The following MCM9 variants were observed in gnomAD, a reference collection of about 807,000 sequenced individuals.
MCM9 encodes DNA helicase MCM9.
Under a neutral mutation model 72.8 loss-of-function variants are expected in MCM9, and 55 were observed. The ratio of observed to expected loss-of-function variants is 0.76; its 90% CI spans 0.61 to 0.95. The LOEUF is 0.95. Ranked by LOEUF, MCM9 falls within the 40% of genes least tolerant of loss-of-function variation. MCM9 has a pLI of 0.00. For synonymous variants in MCM9, 480 were observed against 503.4 expected (o/e 0.95, Z 0.62); for missense variants, 1,279 against 1,377.0 (o/e 0.93, Z 1.13).
chr6:118,930,259 C>T (rs921262768), intron 3 of MCM9, among the ~76,000 whole-genome samples: 51 of 152,124 alleles, frequency 3.4e-4, no homozygotes, highest in African/African-American at 7.5e-4. Flanking sequence ...TACAGGCGCC[C>T]GCCACCATGC....
rs766122361 is a variant in MCM9, at chr6:118,843,688, G to GTATA, written c.1325+12679_1325+12682dup. ...TATATATGTATGTATATATATATGT[G>GTATA]TATATATATATATATGTATGTATAT... is the stretch of plus-strand genomic sequence containing the variant. On this transcript the variant is annotated intron_variant, in intron 9 of 13. Coordinates refer to ENST00000619706, the MANE Select transcript of MCM9 (RefSeq NM_017696.3). Among the ~76,000 whole-genome samples the GTATA allele has an allele frequency of 7.6e-4, 49 of 64,140 alleles. 1 individual carries two copies. Among genetic ancestry groups the GTATA allele is most frequent in the African/African-American group, 2.1e-3 (31 of 15,094 alleles). The allele number at this position is 64,140 out of a possible 152,430, so 42.1% of individuals were successfully genotyped here.
At chr6:118,875,923 C>T (rs182543788) in intron 8 of MCM9, among the ~76,000 whole-genome samples, 76 of 152,298 alleles carry the variant, frequency 5.0e-4, no homozygotes, top group African/African-American at 1.8e-3. Context: ...ACATAAAAAC[C>T]TGCTCACAGG....
At chr6:118,916,059 A>C (rs1780917516) in intron 6 of MCM9, among the ~76,000 whole-genome samples, 1 of 152,140 alleles carries the variant, frequency 6.6e-6, no homozygotes, top group Non-Finnish European at 1.5e-5. Context: ...TAGAATCCTA[A>C]GAAACCATTT....
At chr6:118,823,227 C>G (rs373305976) in intron 13 of MCM9, among the ~76,000 whole-genome samples, 1 of 152,140 alleles carries the variant, frequency 6.6e-6, no homozygotes, top group Non-Finnish European at 1.5e-5. Flanking sequence ...AACCCAGGGC[C>G]CTGGTGGTGT....
At chr6:118,846,347 A>G (rs1392160426) in intron 9 of MCM9, among the ~76,000 whole-genome samples, 1 of 151,928 alleles carries the variant, frequency 6.6e-6, no homozygotes, top group African/African-American at 2.4e-5. Flanking sequence ...AGCTAACTCT[A>G]GAGCCCTTAC....
intron 9 of MCM9, among the ~76,000 whole-genome samples, chr6:118,831,243 T>G (rs749725252): frequency 5.3e-5 from 8 of 151,116 alleles, no homozygotes; most frequent in Non-Finnish European, 1.0e-4. Context: ...TTCCAGCTGC[T>G]TGGGAGGCTG....
At chr6:118,907,425 T>C in intron 8 of MCM9, 1 of 1,605,806 alleles carries the variant, frequency 6.2e-7, no homozygotes, top group Non-Finnish European at 8.5e-7. Context: ...TTTTGGCATC[T>C]AATCCCAGGG....
chr6:118,825,693 A>C (rs1477067601), intron 13 of MCM9, among the ~76,000 whole-genome samples: 6 of 152,142 alleles, frequency 3.9e-5, no homozygotes, highest in Non-Finnish European at 7.4e-5. Flanking sequence ...GTTTGGGCAA[A>C]ATTTTTTTGG....
At chr6:118,870,252 C>A (rs1311621189) in intron 8 of MCM9, among the ~76,000 whole-genome samples, 2 of 152,142 alleles carry the variant, frequency 1.3e-5, no homozygotes, top group African/African-American at 2.4e-5. Flanking sequence ...ACATGTTAGA[C>A]CACAAAACAA....
chr6:118,833,077 A>T (rs529852711), intron 9 of MCM9, among the ~76,000 whole-genome samples: 57 of 152,314 alleles, frequency 3.7e-4, no homozygotes, highest in African/African-American at 1.3e-3. Flanking sequence ...TGGAGTACAG[A>T]AGAGGATAAA....
chr6:118,857,825 C>T (rs1163928449), intron 8 of MCM9, among the ~76,000 whole-genome samples: 2 of 151,988 alleles, frequency 1.3e-5, no homozygotes, highest in Non-Finnish European at 2.9e-5. Context: ...GAACAGATAA[C>T]TTCCATAATC....
intron 3 of MCM9, among the ~76,000 whole-genome samples, chr6:118,926,428 A>G (rs1041125546): frequency 6.6e-6 from 1 of 152,230 alleles, no homozygotes; most frequent in Non-Finnish European, 1.5e-5. Flanking sequence ...AGTGACAAAC[A>G]GAATAATTTA....
chr6:118,814,942 T>C lies in MCM9; in HGVS notation c.3314A>G (p.Gln1105Arg). ...PMRVSKRKSFQLRGSTEKLIV... is the reference protein window; with the variant it reads ...PMRVSKRKSFRLRGSTEKLIV... ...CAGTTTCTCGGTGGACCCACGGAGCTGAAAAGATTTCCTTTTACTGACACG... is the reference window on the plus strand; with the variant it reads ...CAGTTTCTCGGTGGACCCACGGAGCCGAAAAGATTTCCTTTTACTGACACG... The change falls in exon 14 of 14, where the codon CAG becomes CGG. Residue 1105 changes from glutamine to arginine, a missense_variant. Transcript: ENST00000619706. 1 of 1,550,132 alleles carries C rather than the reference T, an allele frequency of 6.5e-7. No homozygotes were observed. Among genetic ancestry groups the C allele is most frequent in the South Asian group, 1.2e-5 (1 of 84,006 alleles).
intron 10 of MCM9, among the ~76,000 whole-genome samples, chr6:118,828,527 AG>A: frequency 6.6e-6 from 1 of 152,234 alleles, no homozygotes; most frequent in East Asian, 1.9e-4. Flanking sequence ...CTGGGATTAC[AG>A]GTGTGCACCA....
chr6:118,934,856 C>CA (rs1214485482), intron 1 of MCM9, 35 bp downstream of exon 1: 1 of 152,320 alleles, frequency 6.6e-6, no homozygotes, highest in Non-Finnish European at 1.5e-5. Flanking sequence ...TGGAGAAAAA[C>CA]ATAACCGCGA....
intron 9 of MCM9, 46 bp from the exon 10 acceptor site, chr6:118,829,296 A>C: frequency 6.7e-7 from 1 of 1,494,788 alleles, no homozygotes; most frequent in Non-Finnish European, 9.0e-7. Flanking sequence ...GGTTCAGATA[A>C]AATGCAAGAT....
Position 118,814,237 on chromosome 6 carries a change from G to A in MCM9, c.*587C>T, listed in dbSNP as rs1277755394. ...AGATCTCTAAGAACATCATGGAATT[G>A]TAAGGATACCTCTCAAAGAAAGAAA... On this transcript the variant is annotated 3_prime_UTR_variant, in exon 14 of 14. Transcript: ENST00000619706. 1 of 152,096 alleles carries A rather than the reference G, an allele frequency of 6.6e-6. No individual in the cohort carries two copies. Among genetic ancestry groups the A allele is most frequent in the Non-Finnish European group, 1.5e-5 (1 of 68,032 alleles). The allele number at this position is 152,096 out of a possible 1,614,324, so 9.4% of individuals were successfully genotyped here.
intron 9 of MCM9, among the ~76,000 whole-genome samples, 191 bp downstream of exon 9, chr6:118,856,180 T>A (rs922281837): frequency 1.6e-4 from 25 of 152,198 alleles, no homozygotes; most frequent in African/African-American, 5.5e-4. Context: ...TCTTTCCCAA[T>A]AGCTCATTTT....
At chr6:118,930,725 G>A (rs1385882436) in intron 3 of MCM9, among the ~76,000 whole-genome samples, 1 of 152,148 alleles carries the variant, frequency 6.6e-6, no homozygotes, top group Non-Finnish European at 1.5e-5. Flanking sequence ...GCCACACTAT[G>A]CCTTCCAAGA....
Sources: gnomAD v4.1 joint callset for allele counts (sites outside exome capture counted in the v4.1 genomes callset) on GRCh38, gnomAD v4.1.1 for gene constraint, MANE v1.5 for transcripts, NCBI Gene and HGNC (gene_info 2026-07-23, HGNC 2026-07-21) for gene names.